The following TMTC2 variants were observed in gnomAD, a reference collection of about 807,000 sequenced individuals.
TMTC2 encodes transmembrane O-mannosyltransferase targeting cadherins 2.
Under a neutral mutation model 82.4 loss-of-function variants are expected in TMTC2, and 43 were observed. The ratio of observed to expected loss-of-function variants is 0.52; its 90% CI spans 0.41 to 0.67. The LOEUF is 0.67. TMTC2 is among the 30% of genes least tolerant of loss of function. The pLI is 0.00. For missense variants in TMTC2, 919 were observed against 1,012.4 expected, an observed-to-expected ratio of 0.91 and a Z score of 1.25; for synonymous variants, 408 against 381.9, an observed-to-expected ratio of 1.07 and a Z score of -0.80.
At chr12:83,128,767 C>G (rs1263208836) in intron 11 of TMTC2, among the ~76,000 whole-genome samples, 1 of 152,148 alleles carries the variant, frequency 6.6e-6, no homozygotes, top group African/African-American at 2.4e-5. Context: ...GCTAGAAGAA[C>G]TGAAGGAATT....
chr12:82,933,926 G>A (rs1592638034), intron 4 of TMTC2, among the ~76,000 whole-genome samples: 1 of 152,178 alleles, frequency 6.6e-6, no homozygotes, highest in East Asian at 1.9e-4. Context: ...GCTTTTTTCA[G>A]GAATGAAATC....
At chr12:83,022,216 G>T (rs1319245969) in intron 8 of TMTC2, among the ~76,000 whole-genome samples, 1 of 152,038 alleles carries the variant, frequency 6.6e-6, no homozygotes. Context: ...TTTTTTATGG[G>T]ATTTGCTCAA....
chr12:82,699,893 A>G (rs2136897011), intron 1 of TMTC2, among the ~76,000 whole-genome samples: 1 of 152,264 alleles, frequency 6.6e-6, no homozygotes, highest in Middle Eastern at 3.4e-3. Context: ...TATTTGAAAA[A>G]CAAAGATTGT....
At chr12:82,866,931 A>T (rs766752328) in intron 2 of TMTC2, among the ~76,000 whole-genome samples, 24 of 152,232 alleles carry the variant, frequency 1.6e-4, no homozygotes, top group Non-Finnish European at 3.1e-4. Context: ...GAAAGGTGAT[A>T]CTATGGTAAG....
intron 1 of TMTC2, among the ~76,000 whole-genome samples, chr12:82,777,679 C>T (rs1877668181): frequency 6.6e-6 from 1 of 152,128 alleles, no homozygotes; most frequent in Non-Finnish European, 1.5e-5. Flanking sequence ...TTGCCTTGCT[C>T]ACAAACTGCC....
chr12:82,896,374 C>T lies in TMTC2; in HGVS notation c.1211C>T (p.Pro404Leu), dbSNP rs1198013675. The change falls in exon 3 of 12, where the codon CCC becomes CTC. Residue 404 changes from proline to leucine, a missense_variant. Pro to Leu is a moderately conservative substitution (Grantham distance 98). Coordinates refer to ENST00000321196, the MANE Select transcript of TMTC2 (RefSeq NM_152588.3). ...CTGTCTTTATCTTTGTTAATCATAC[C>T]CTTTGTTCCTGCCACGAACCTGTTT... ...VVLSLSLLIIPFVPATNLFFY... is the reference protein window; with the variant it reads ...VVLSLSLLIILFVPATNLFFY... 1 of 1,614,026 alleles carries T rather than the reference C, an allele frequency of 6.2e-7. No homozygotes were observed. Among genetic ancestry groups the T allele is most frequent in the Non-Finnish European group, 8.5e-7 (1 of 1,180,012 alleles).
intron 9 of TMTC2, among the ~76,000 whole-genome samples, chr12:83,033,832 G>A (rs4882540): frequency 0.11 from 16,160 of 148,286 alleles, 1,499 homozygotes; most frequent in East Asian, 0.29. Context: ...GTGTGTGTGT[G>A]TATATATATG....
intron 1 of TMTC2, among the ~76,000 whole-genome samples, chr12:82,776,615 GAAAA>G (rs750550745): frequency 3.7e-4 from 32 of 87,356 alleles, no homozygotes; most frequent in African/African-American, 1.0e-3. Context: ...TGTCTCTAAT[GAAAA>G]AAAAAAAAAA....
intron 11 of TMTC2, among the ~76,000 whole-genome samples, chr12:83,068,776 T>C (rs1413082964): frequency 6.6e-6 from 1 of 152,118 alleles, no homozygotes; most frequent in Non-Finnish European, 1.5e-5. Flanking sequence ...AGTACTTTAG[T>C]GGTGATTTGT....
intron 8 of TMTC2, among the ~76,000 whole-genome samples, chr12:83,022,143 T>A (rs73152237): frequency 0.022 from 3,351 of 152,086 alleles, 50 homozygotes; most frequent in Middle Eastern, 0.037. Flanking sequence ...AATTTCATGC[T>A]CCTTACAGAA....
chr12:82,895,065 C>T (rs977846085), intron 2 of TMTC2, among the ~76,000 whole-genome samples: 1 of 151,566 alleles, frequency 6.6e-6, no homozygotes, highest in African/African-American at 2.4e-5. Context: ...GATCCACCCA[C>T]CTCAGCCTCC....
At chr12:82,998,645 C>G (rs1401837561) in intron 8 of TMTC2, among the ~76,000 whole-genome samples, 1 of 152,000 alleles carries the variant, frequency 6.6e-6, no homozygotes, top group Non-Finnish European at 1.5e-5. Flanking sequence ...TACTTATATC[C>G]TATACAGAAT....
intron 1 of TMTC2, among the ~76,000 whole-genome samples, chr12:82,696,964 GTATATA>G (rs3993380): frequency 9.5e-4 from 135 of 141,552 alleles, no homozygotes; most frequent in Middle Eastern, 3.7e-3. Context: ...ACATACATAC[GTATATA>G]TATATATATA....
intron 5 of TMTC2, 143 bp from the exon 6 acceptor site, chr12:82,965,417 T>G: frequency 3.7e-6 from 3 of 808,338 alleles, no homozygotes; most frequent in Non-Finnish European, 5.8e-6. Flanking sequence ...CCATTATTGA[T>G]CCCATGAGTA....
At chr12:82,885,596 T>C (rs1029640977) in intron 2 of TMTC2, among the ~76,000 whole-genome samples, 3 of 152,160 alleles carry the variant, frequency 2.0e-5, no homozygotes, top group South Asian at 4.2e-4. Flanking sequence ...TCCTGAACTT[T>C]TGGCCTTGAG....
intron 11 of TMTC2, among the ~76,000 whole-genome samples, chr12:83,071,680 C>G (rs1198775482): frequency 6.6e-6 from 1 of 152,066 alleles, no homozygotes; most frequent in African/African-American, 2.4e-5. Flanking sequence ...TTTAATCTCG[C>G]TGCTTGTTAT....
At chr12:82,981,022 ATGATAATCTACT>A (rs1878891757) in intron 7 of TMTC2, among the ~76,000 whole-genome samples, 1 of 151,918 alleles carries the variant, frequency 6.6e-6, no homozygotes, top group South Asian at 2.1e-4. Flanking sequence ...GTAGGAACAA[ATGATAATCTACT>A]TAACCTTTAT....
At chr12:82,937,744 G>GTATATATA (rs1565818121) in intron 4 of TMTC2, among the ~76,000 whole-genome samples, 2 of 27,950 alleles carry the variant, frequency 7.2e-5, no homozygotes, top group African/African-American at 2.0e-4. Context: ...GTGTGTGTGT[G>GTATATATA]TGTGTGTATA....
In TMTC2 at chr12:82,687,649, G is replaced by C. The variant is rs780434599; in HGVS notation, c.63G>C (p.Ala21=). ...CCTTGTATCTCAACACCCTGAGTGCGGATTTCTGCTATGATGACAGGTAAG... is the reference window on the plus strand; with the variant it reads ...CCTTGTATCTCAACACCCTGAGTGCCGATTTCTGCTATGATGACAGGTAAG... ...GLALYLNTLS[A]DFCYDDSRAI... is the part of the protein sequence containing the mutation. Residue 21 remains alanine, a synonymous_variant, in exon 1 of 12, where the codon GCG becomes GCC. Coordinates refer to ENST00000321196, the MANE Select transcript of TMTC2 (RefSeq NM_152588.3). 8.7e-6 allele frequency: 14 copies of C among 1,604,684 alleles called. No homozygotes were observed. The highest frequency in any genetic ancestry group is 1.0e-5 in the Non-Finnish European group (12 of 1,176,890).
Sources: gnomAD v4.1 joint callset for allele counts (sites outside exome capture counted in the v4.1 genomes callset) on GRCh38, gnomAD v4.1.1 for gene constraint, MANE v1.5 for transcripts, NCBI Gene and HGNC (gene_info 2026-07-23, HGNC 2026-07-21) for gene names.